The following SLC24A2 variants were observed in gnomAD, a reference collection of about 807,000 sequenced individuals.
SLC24A2 encodes sodium/potassium/calcium exchanger 2.
In SLC24A2, 36 loss-of-function variants were observed where a neutral mutation model predicts 62.0. The ratio of observed to expected loss-of-function variants is 0.58; its 90% CI spans 0.44 to 0.77. SLC24A2 has a LOEUF of 0.77. SLC24A2 is among the 30% of genes least tolerant of loss of function. SLC24A2 has a pLI of 0.00. For synonymous variants in SLC24A2, 358 were observed against 294.0 expected, an observed-to-expected ratio of 1.22 and a Z score of -2.23; for missense variants, 846 against 817.9, an observed-to-expected ratio of 1.03 and a Z score of -0.42.
chr9:20,141,852 G>A, the SLC24A2 span, among the ~76,000 whole-genome samples: 1 of 152,172 alleles, frequency 6.6e-6, no homozygotes, highest in Non-Finnish European at 1.5e-5. Context: ...AGAGGCCAAG[G>A]CAGGTGAATC....
Position 19,775,184 on chromosome 9 carries a change from C to G in SLC24A2, c.930+10753G>C, listed in dbSNP as rs577650043. Among the ~76,000 whole-genome samples the G allele has an allele frequency of 2.0e-5, 3 of 152,316 alleles. No individual in the cohort carries two copies. In the South Asian group the frequency reaches 6.2e-4, roughly 32 times the overall value. On this transcript the variant is annotated intron_variant, in intron 2 of 10. Coordinates refer to ENST00000341998, the MANE Select transcript of SLC24A2 (RefSeq NM_020344.4). ...CCAAACCCACCAGTTTTTACCCATA[C>G]AAGAACCATGTCTGCATCATTTGGT... is the stretch of plus-strand genomic sequence containing the variant.
intron 2 of SLC24A2, among the ~76,000 whole-genome samples, chr9:19,769,131 C>G (rs1489185243): frequency 6.6e-6 from 1 of 152,176 alleles, no homozygotes; most frequent in Non-Finnish European, 1.5e-5. Context: ...TACTTGAAAC[C>G]CACTCCTCCT....
chr9:19,856,764 A>G, the SLC24A2 span, among the ~76,000 whole-genome samples: 1 of 152,198 alleles, frequency 6.6e-6, no homozygotes, highest in East Asian at 1.9e-4. Context: ...CCACCCAGTC[A>G]TAAGGCACTG....
the SLC24A2 span, among the ~76,000 whole-genome samples, chr9:20,295,973 G>A: frequency 2.0e-5 from 3 of 152,088 alleles, no homozygotes; most frequent in African/African-American, 7.2e-5. Context: ...TTTTGTATTG[G>A]GGAAATCAGA....
At chr9:20,025,658 G>T in the SLC24A2 span, among the ~76,000 whole-genome samples, 315 of 152,236 alleles carry the variant, frequency 2.1e-3, no homozygotes, top group African/African-American at 7.2e-3. Context: ...TCTTAAAAAG[G>T]TTCTGCTATA....
the SLC24A2 span, among the ~76,000 whole-genome samples, chr9:20,092,719 C>A: frequency 6.6e-6 from 1 of 152,134 alleles, no homozygotes; most frequent in Non-Finnish European, 1.5e-5. Flanking sequence ...CCCATAGTTA[C>A]CATTTGTGTG....
the SLC24A2 span, among the ~76,000 whole-genome samples, chr9:20,209,937 G>GC: frequency 6.6e-6 from 1 of 152,172 alleles, no homozygotes; most frequent in African/African-American, 2.4e-5. Context: ...TGATCATAAG[G>GC]CCTTTCATAG....
chr9:19,862,113 G>A, the SLC24A2 span, among the ~76,000 whole-genome samples: 1 of 152,088 alleles, frequency 6.6e-6, no homozygotes, highest in Non-Finnish European at 1.5e-5. Flanking sequence ...ACACCAAGCA[G>A]ATTTATCCCA....
Position 19,532,321 on chromosome 9 carries a change from C to G in SLC24A2, c.1480-4183G>C, listed in dbSNP as rs1181334669. Among the ~76,000 whole-genome samples, 8 of 152,224 alleles carry G rather than the reference C, an allele frequency of 5.3e-5. No homozygotes were observed. The South Asian group carries it at 1.0e-3, about 20-fold the overall frequency. On this transcript the variant is annotated intron_variant, in intron 8 of 10. Coordinates refer to ENST00000341998, the MANE Select transcript of SLC24A2 (RefSeq NM_020344.4). ...ATGTTGGTCAGGCTGGTCTCGAACT[C>G]CCAACCTCAGATGATCCTCCTGCCT...
At chr9:19,906,179 A>C in the SLC24A2 span, among the ~76,000 whole-genome samples, 3 of 152,362 alleles carry the variant, frequency 2.0e-5, no homozygotes, top group East Asian at 5.8e-4. Flanking sequence ...AAACTCAGTC[A>C]AAAACACTCA....
At position 19,517,945 on chromosome 9, in the gene SLC24A2, A is replaced by T. The variant is rs1029477942; in HGVS notation, c.1737-1543T>A. Among the ~76,000 whole-genome samples the T allele has an allele frequency of 1.6e-3, 242 of 149,576 alleles. 1 individual carries two copies. The highest frequency in any genetic ancestry group is 4.4e-3 in the African/African-American group (178 of 40,520). On this transcript the variant is annotated intron_variant, in intron 10 of 10. Coordinates refer to ENST00000341998, the MANE Select transcript of SLC24A2 (RefSeq NM_020344.4). ...CACACACACACACACACACACACAC[A>T]CACACACACACACTCTCACACTTCT...
the SLC24A2 span, among the ~76,000 whole-genome samples, chr9:19,915,809 G>C: frequency 6.6e-6 from 1 of 151,740 alleles, no homozygotes; most frequent in Admixed American, 6.6e-5. Flanking sequence ...GTTTTGTGAG[G>C]TTCTTTATAT....
chr9:19,644,071 C>T (rs1818575720), intron 2 of SLC24A2, among the ~76,000 whole-genome samples: 1 of 152,218 alleles, frequency 6.6e-6, no homozygotes, highest in African/African-American at 2.4e-5. Flanking sequence ...CTGTTCACCT[C>T]AACATCTCAG....
At chr9:20,302,503 T>A in the SLC24A2 span, among the ~76,000 whole-genome samples, 544 of 152,362 alleles carry the variant, frequency 3.6e-3, 3 homozygotes, top group African/African-American at 0.013. Context: ...TCTTTTCATA[T>A]GCTTATTTGC....
the SLC24A2 span, among the ~76,000 whole-genome samples, chr9:20,060,938 A>G: frequency 1.3e-5 from 2 of 152,174 alleles, no homozygotes; most frequent in Non-Finnish European, 2.9e-5. Flanking sequence ...TTCATTTACA[A>G]AAATGAAACA....
intron 6 of SLC24A2, among the ~76,000 whole-genome samples, chr9:19,574,629 C>T (rs1586984543): frequency 1.3e-5 from 2 of 151,924 alleles, no homozygotes; most frequent in South Asian, 4.2e-4. Flanking sequence ...AACACTGTAG[C>T]ATAGTGCCTT....
At chr9:19,843,065 C>A in the SLC24A2 span, among the ~76,000 whole-genome samples, 1 of 152,022 alleles carries the variant, frequency 6.6e-6, no homozygotes, top group Non-Finnish European at 1.5e-5. Context: ...GTGCTGGTGC[C>A]AGTCCATGAA....
chr9:19,789,767 T>C (rs567553640), upstream of SLC24A2, among the ~76,000 whole-genome samples: 1 of 152,298 alleles, frequency 6.6e-6, no homozygotes, highest in South Asian at 2.1e-4. Flanking sequence ...AAATTGGTAG[T>C]GAGGGAACCC....
Position 19,786,237 on chromosome 9 carries a change from A to T in SLC24A2, c.630T>A (p.Gly210=), listed in dbSNP as rs769373828. ...CAAAGAGGATGTTGAATACTGCTGA[A>T]CCTACAATTGTGCCTATGCCAACGT... ...HSNVGIGTIV[G]SAVFNILFVI... is the part of the protein sequence containing the mutation. The change falls in exon 2 of 11, where the codon GGT becomes GGA. Residue 210 remains glycine, a synonymous_variant. Coordinates refer to ENST00000341998, the MANE Select transcript of SLC24A2 (RefSeq NM_020344.4). This position sits in a 1 kb window ranked among gnomAD's most constrained non-coding sequence, Gnocchi z 5.0. 3 of 1,614,108 alleles carry T rather than the reference A, an allele frequency of 1.9e-6. No homozygotes were observed. The South Asian group carries it at 3.3e-5, about 18-fold the overall frequency.
Sources: gnomAD v4.1 joint callset for allele counts (sites outside exome capture counted in the v4.1 genomes callset) on GRCh38, gnomAD v4.1.1 for gene constraint, Gnocchi (gnomAD v3.1) non-coding constraint, MANE v1.5 for transcripts, NCBI Gene and HGNC (gene_info 2026-07-23, HGNC 2026-07-21) for gene names.